Variants in TCF12 observed in about 807,000 individuals in gnomAD.
TCF12 encodes the protein transcription factor 12.
In TCF12, 45 loss-of-function variants were observed where a neutral mutation model predicts 86.0. The ratio of observed to expected loss-of-function variants is 0.52; its 90% CI spans 0.41 to 0.67. TCF12 has a LOEUF of 0.67. Among genes scored for constraint, TCF12 ranks in the 30% least tolerant of loss-of-function variants. The probability of loss-of-function intolerance (pLI) is 0.00; values close to 1 mark genes in which losing one functional copy is unlikely to be tolerated. For missense variants in TCF12, 881 were observed against 859.9 expected, an observed-to-expected ratio of 1.02 and a Z score of -0.31; for synonymous variants, 330 against 299.6, an observed-to-expected ratio of 1.10 and a Z score of -1.05.
chr15:57,130,148 C>A (rs2051994354), intron 5 of TCF12, among the ~76,000 whole-genome samples: 1 of 152,128 alleles, frequency 6.6e-6, no homozygotes, highest in Non-Finnish European at 1.5e-5. Flanking sequence ...ACACTTTGAC[C>A]TCTCTAGGAT....
chr15:57,096,603 T>C (rs1358521387), intron 5 of TCF12, among the ~76,000 whole-genome samples: 2 of 152,162 alleles, frequency 1.3e-5, no homozygotes, highest in Non-Finnish European at 2.9e-5. Context: ...AACTTACATA[T>C]AATACCTAAC....
intron 3 of TCF12, among the ~76,000 whole-genome samples, chr15:57,017,504 T>A (rs1310878988): frequency 7.9e-5 from 12 of 152,242 alleles, no homozygotes; most frequent in African/African-American, 2.9e-4. Context: ...CCAAAAATAA[T>A]TCTTAACTGT....
rs375941841 is a variant in TCF12 at position 57,253,275 on chromosome 15, A to G, written c.1274A>G (p.Glu425Gly). The G allele has an allele frequency of 1.7e-5, 28 of 1,613,796 alleles. No homozygotes were observed. The highest frequency in any genetic ancestry group is 2.4e-5 in the Non-Finnish European group (28 of 1,179,928). ...TAATCCATACAGCAGTCTCGAATGGAGGATCGTTTAGACAGACTGGATGAT... is the reference window on the plus strand; with the variant it reads ...TAATCCATACAGCAGTCTCGAATGGGGGATCGTTTAGACAGACTGGATGAT... Reference protein sequence around the residue: ...LKDVCEQSRMEDRLDRLDDAI... With the variant: ...LKDVCEQSRMGDRLDRLDDAI... Residue 425 changes from glutamate to glycine, a missense_variant, in exon 16 of 21, where the codon GAG becomes GGG. Transcript: ENST00000333725.
chr15:57,125,475 G>A (rs947069905), intron 5 of TCF12, among the ~76,000 whole-genome samples: 15 of 152,184 alleles, frequency 9.9e-5, no homozygotes, highest in African/African-American at 3.4e-4. Flanking sequence ...CCTACAGGTA[G>A]AATGAGTGAT....
At chr15:57,247,536 T>C in intron 13 of TCF12, 4 of 909,620 alleles carry the variant, frequency 4.4e-6, no homozygotes, top group South Asian at 1.3e-5. Flanking sequence ...TCAAAAGTTA[T>C]AAAAGCAAAT....
At chr15:57,223,643 GTTTTTTTTT>G (rs550493641) in intron 8 of TCF12, among the ~76,000 whole-genome samples, 5 of 69,688 alleles carry the variant, frequency 7.2e-5, no homozygotes, top group Admixed American at 3.8e-4. Flanking sequence ...TACCAATGAG[GTTTTTTTTT>G]TTTTTTTTTT....
intron 5 of TCF12, among the ~76,000 whole-genome samples, chr15:57,112,653 A>G (rs140850338): frequency 2.0e-5 from 3 of 152,306 alleles, no homozygotes; most frequent in Admixed American, 2.0e-4. Context: ...GTATAGCACA[A>G]ATTCTAATAA....
At chr15:57,099,261 C>T (rs1423623443) in intron 5 of TCF12, among the ~76,000 whole-genome samples, 2 of 152,124 alleles carry the variant, frequency 1.3e-5, no homozygotes, top group African/African-American at 4.8e-5. Flanking sequence ...CTGAAGGCTT[C>T]TTTTCTACCC....
At chr15:57,200,726 T>G (rs1282968428) in intron 8 of TCF12, among the ~76,000 whole-genome samples, 1 of 152,208 alleles carries the variant, frequency 6.6e-6, no homozygotes, top group Non-Finnish European at 1.5e-5. Flanking sequence ...ATTAGAGACT[T>G]TTTTTGTAAA....
At chr15:56,927,714 G>GT (rs1298973828) in intron 3 of TCF12, among the ~76,000 whole-genome samples, 1 of 152,074 alleles carries the variant, frequency 6.6e-6, no homozygotes, top group African/African-American at 2.4e-5. Flanking sequence ...TGCAAATTTT[G>GT]TTTTTTGTGC....
chr15:57,155,439 G>A (rs1314458644), intron 5 of TCF12, among the ~76,000 whole-genome samples: 1 of 152,056 alleles, frequency 6.6e-6, no homozygotes, highest in Admixed American at 6.6e-5. Context: ...TTGCAATACT[G>A]GAGACAGCTC....
rs149558222 is a variant in TCF12, at chr15:57,279,808, A to C, written c.1979-2637A>C. ...TTTCACATCTCACATTCTCCTCTTT[A>C]AGTTTTACATGCTAATCCATGCCAT... On this transcript the variant is annotated intron_variant, in intron 19 of 20. Transcript: ENST00000333725. Among the ~76,000 whole-genome samples, 59 of 151,200 alleles carry C rather than the reference A, an allele frequency of 3.9e-4. 1 individual carries two copies. The East Asian group carries it at 0.011, about 29-fold the overall frequency.
Position 57,235,420 on chromosome 15 carries a change from A to G in TCF12, c.1035+1313A>G, listed in dbSNP as rs16977336. ...AGGGGAATCATAAGCTAGCATGGAT[A>G]AAGCCCATATATATTAGAACCCTGA... On this transcript the variant is annotated intron_variant, in intron 12 of 20. Transcript: ENST00000333725. Among the ~76,000 whole-genome samples, 1,111 of 152,308 alleles carry G rather than the reference A, an allele frequency of 7.3e-3. 9 individuals are homozygous for G. Among genetic ancestry groups the G allele is most frequent in the African/African-American group, 0.026 (1,072 of 41,566 alleles).
intron 5 of TCF12, among the ~76,000 whole-genome samples, chr15:57,147,747 A>G (rs2053458525): frequency 6.6e-6 from 1 of 152,196 alleles, no homozygotes; most frequent in Non-Finnish European, 1.5e-5. Context: ...ATGATAGTAA[A>G]ATGTAGATAA....
At chr15:57,046,075 G>A (rs779416037) in intron 3 of TCF12, among the ~76,000 whole-genome samples, 7 of 152,182 alleles carry the variant, frequency 4.6e-5, no homozygotes, top group East Asian at 1.9e-4. Context: ...GTTTCAGATC[G>A]TTTACATTTG....
chr15:57,257,748 A>G (rs375745737), intron 16 of TCF12, among the ~76,000 whole-genome samples: 2 of 151,518 alleles, frequency 1.3e-5, no homozygotes, highest in African/African-American at 2.4e-5. Flanking sequence ...CGGACAAGTC[A>G]GTGATCAAGG....
chr15:57,260,287 G>A (rs1166408839), intron 16 of TCF12, among the ~76,000 whole-genome samples: 2 of 151,946 alleles, frequency 1.3e-5, no homozygotes, highest in East Asian at 1.9e-4. Context: ...TAATAGTTGA[G>A]CTTTAAAAAA....
intron 13 of TCF12, 76 bp from the exon 14 acceptor site, chr15:57,251,274 C>A (rs1566987172): frequency 7.9e-7 from 1 of 1,271,646 alleles, no homozygotes; most frequent in Non-Finnish European, 1.1e-6. Flanking sequence ...TATTGAGTAT[C>A]TTTACCCTTT....
At chr15:57,233,832 A>C (rs565253094) in intron 11 of TCF12, among the ~76,000 whole-genome samples, 1 of 152,204 alleles carries the variant, frequency 6.6e-6, no homozygotes, top group African/African-American at 2.4e-5. Context: ...AAAGACAGGA[A>C]GACAAGAAGC....
Sources: allele counts gnomAD v4.1 joint callset (sites outside exome capture counted in the v4.1 genomes callset), GRCh38; gene constraint gnomAD v4.1.1; transcripts MANE v1.5; gene names NCBI Gene and HGNC (gene_info 2026-07-23, HGNC 2026-07-21).